The following EMG1 variants were observed in gnomAD, a reference collection of about 807,000 sequenced individuals.
EMG1 encodes the protein ribosomal RNA small subunit methyltransferase NEP1.
A neutral mutation model predicts 26.9 loss-of-function variants in EMG1; 24 were observed. The observed-to-expected ratio is 0.89, with a 90% CI of 0.65 to 1.26. EMG1 has a LOEUF of 1.26. Among genes scored for constraint, EMG1 ranks in the 50% most tolerant of loss-of-function variants. The pLI is 0.00. For missense variants in EMG1, 299 were observed against 307.6 expected, an observed-to-expected ratio of 0.97 and a Z score of 0.21; for synonymous variants, 140 against 112.6, an observed-to-expected ratio of 1.24 and a Z score of -1.54.
At chr12:6,983,544 AT>A, downstream of EMG1, 2 of 1,560,446 alleles carry the variant, frequency 1.3e-6, no homozygotes, top group Non-Finnish European at 1.8e-6. Flanking sequence ...GGTAACCTAG[AT>A]GGGGGAAAAG....
In EMG1 at chr12:6,974,545, T is replaced by C. The variant is rs781860384; in HGVS notation, c.271-7T>C. ...CTTAACCATGTCTCGGTTTCTGCTTTGCTCAGAGTTTGCTGATGCTGATGG... is the reference window on the plus strand; with the variant it reads ...CTTAACCATGTCTCGGTTTCTGCTTCGCTCAGAGTTTGCTGATGCTGATGG... On this transcript the variant is annotated splice_region_variant and splice_polypyrimidine_tract_variant and intron_variant, in intron 2 of 5. Transcript: ENST00000599672. 6.2e-7 allele frequency: 1 copy of C among 1,612,852 alleles called. No individual in the cohort carries two copies. The highest frequency in any genetic ancestry group is 8.5e-7 in the Non-Finnish European group (1 of 1,178,898).
chr12:6,975,009 C>T, intron 3 of EMG1, 81 bp from the exon 4 acceptor site: 1 of 1,375,230 alleles, frequency 7.3e-7, no homozygotes, highest in Non-Finnish European at 1.0e-6. Context: ...TCATCTTATC[C>T]ATGGGGTTTT....
At chr12:6,981,957 C>T (rs1946476033), downstream of EMG1, 19 of 924,990 alleles carry the variant, frequency 2.1e-5, 1 homozygote, top group South Asian at 2.5e-4. Context: ...CTTCTCCTTG[C>T]TCTGAAATTC....
At chr12:6,981,845 T>G (rs782250410), downstream of EMG1, 1 of 1,614,082 alleles carries the variant, frequency 6.2e-7, no homozygotes, top group Non-Finnish European at 8.5e-7. Context: ...AATGTGGCAT[T>G]GTCCACTTGA....
chr12:6,982,778 G>T (rs376311456), downstream of EMG1: 3 of 1,609,976 alleles, frequency 1.9e-6, no homozygotes, highest in African/African-American at 1.3e-5. Flanking sequence ...GGTAGAGCTG[G>T]TTTCCTGGAT....
At chr12:6,982,439 A>G (rs1946479622), downstream of EMG1, among the ~76,000 whole-genome samples, 2 of 152,242 alleles carry the variant, frequency 1.3e-5, no homozygotes, top group Admixed American at 6.5e-5. Context: ...CTAATGGCAC[A>G]GTATGCAAAG....
intron 1 of EMG1, among the ~76,000 whole-genome samples, chr12:6,971,539 G>A (rs1946328821): frequency 6.6e-6 from 1 of 152,202 alleles, no homozygotes; most frequent in Non-Finnish European, 1.5e-5. Flanking sequence ...GCCTCCCAAA[G>A]TGTTGGGATT....
At chr12:6,996,996 AAATTGATAAATGGGAAAAAAAAAATC>A in intron 7 of EMG1, among the ~76,000 whole-genome samples, 1 of 145,936 alleles carries the variant, frequency 6.9e-6, no homozygotes, top group Non-Finnish European at 1.5e-5. Context: ...GCAGAGTCTG[AAATTGATAAATGGGAAAAAAAAAATC>A]AATTGACTAG....
At chr12:6,988,954 T>A (rs1179386127), downstream of EMG1, among the ~76,000 whole-genome samples, 5 of 151,780 alleles carry the variant, frequency 3.3e-5, no homozygotes, top group Non-Finnish European at 7.4e-5. Flanking sequence ...AGAAACCCTG[T>A]CTCTACTAAA....
At chr12:6,974,953 C>G in intron 3 of EMG1, 137 bp from the exon 4 acceptor site, 1 of 948,768 alleles carries the variant, frequency 1.1e-6, no homozygotes, top group Non-Finnish European at 1.7e-6. Context: ...ACTGTTTGTT[C>G]CTAACATTTC....
chr12:6,989,411 G>A (rs1033651435), downstream of EMG1, among the ~76,000 whole-genome samples: 33 of 149,582 alleles, frequency 2.2e-4, no homozygotes, highest in Non-Finnish European at 3.5e-4. Context: ...CCGGGTTCAC[G>A]CCATTCTCCT....
chr12:6,977,026 G>T lies in EMG1; in HGVS notation c.*1217G>T, dbSNP rs1235932658. On this transcript the variant is annotated 3_prime_UTR_variant, in exon 6 of 6. Coordinates refer to ENST00000599672, the MANE Select transcript of EMG1 (RefSeq NM_006331.8). This position sits in a 1 kb window ranked among gnomAD's most constrained non-coding sequence, Gnocchi z 4.5. ...CCCATACTGTGTTCCTTAGTAGCCA[G>T]GCTAATCCTTGGAATTCACCCCAGA... The T allele has an allele frequency of 2.7e-5, 20 of 745,260 alleles. No homozygotes were observed. In the South Asian group the frequency reaches 3.2e-4, roughly 12 times the overall value. The allele number at this position is 745,260 out of a possible 1,614,324, so 46.2% of individuals were successfully genotyped here.
rs781868648 is a variant in EMG1, at chr12:6,978,543, TC to T, written c.*2738del. 13 of 1,612,258 alleles carry T rather than the reference TC, an allele frequency of 8.1e-6. No homozygotes were observed. Among genetic ancestry groups the T allele is most frequent in the Non-Finnish European group, 5.9e-6 (7 of 1,178,746 alleles). ...ATAGCTCAGTTAGGGCTCTTGCCAC[TC>T]CCCATACTGGCCCCCATGGCTTGTC... is the stretch of plus-strand genomic sequence containing the variant. On this transcript the variant is annotated 3_prime_UTR_variant, in exon 6 of 6. Transcript: ENST00000599672.
Position 6,976,832 on chromosome 12 carries a change from G to A in EMG1, c.*1023G>A, listed in dbSNP as rs1946409007. 2 of 242,922 alleles carry A rather than the reference G, an allele frequency of 8.2e-6. No individual in the cohort carries two copies. The highest frequency in any genetic ancestry group is 4.9e-5 in the Admixed American group (1 of 20,490). The allele number at this position is 242,922 out of a possible 1,614,324, so 15.0% of individuals were successfully genotyped here. ...TGGCTTTTCCATTCTCTGCTCTGGG[G>A]CAAAGGAGTGCTGTGAAAAGGGAGA... On this transcript the variant is annotated 3_prime_UTR_variant, in exon 6 of 6. Transcript: ENST00000599672.
chr12:6,993,345 A>G (rs113783048), intron 7 of EMG1, among the ~76,000 whole-genome samples: 10,206 of 151,930 alleles, frequency 0.067, 434 homozygotes, highest in African/African-American at 0.098. Flanking sequence ...GAGGGAGGAG[A>G]ATTGCTTGAA....
At chr12:6,996,509 A>T (rs1263473597) in intron 7 of EMG1, among the ~76,000 whole-genome samples, 3 of 152,202 alleles carry the variant, frequency 2.0e-5, no homozygotes, top group Non-Finnish European at 4.4e-5. Flanking sequence ...CATCTACTTT[A>T]GTCCCTACCG....
Position 6,978,061 on chromosome 12 carries a change from C to A in EMG1, c.*2252C>A. The A allele has an allele frequency of 1.8e-6, 1 of 558,602 alleles. No individual in the cohort carries two copies. The highest frequency in any genetic ancestry group is 3.2e-6 in the Non-Finnish European group (1 of 314,790). 34.6% of individuals were successfully genotyped at this position (558,602 alleles called of 1,614,324 possible). ...TAGTGGTGGGGACAAACAAGTAAAG[C>A]TGTTGATAAACAGGGCAGTGGAGGA... On this transcript the variant is annotated 3_prime_UTR_variant, in exon 6 of 6. Transcript: ENST00000599672.
downstream of EMG1, chr12:6,981,033 C>T (rs1555153991): frequency 6.2e-7 from 1 of 1,603,790 alleles, no homozygotes; most frequent in Non-Finnish European, 8.5e-7. Flanking sequence ...GTATGTCAAT[C>T]AGCTCTCCCT....
downstream of EMG1, among the ~76,000 whole-genome samples, chr12:6,980,347 T>C (rs782619899): frequency 8.6e-5 from 13 of 151,940 alleles, no homozygotes; most frequent in South Asian, 2.5e-3. Flanking sequence ...CCTCCTGCAT[T>C]TCCTACTGAT....
Sources: allele counts gnomAD v4.1 joint callset (sites outside exome capture counted in the v4.1 genomes callset), GRCh38; gene constraint gnomAD v4.1.1; non-coding constraint Gnocchi (gnomAD v3.1); transcripts MANE v1.5; gene names NCBI Gene and HGNC (gene_info 2026-07-23, HGNC 2026-07-21).